Variants in RBM4 observed in about 807,000 individuals in gnomAD.
RBM4 encodes RNA binding motif protein 4, also known as RNA-binding protein 4.
RBM4 carries 7 observed loss-of-function variants against 29.5 expected under a neutral mutation model. That is an observed-to-expected ratio of 0.24 (90% CI 0.14 to 0.45). The LOEUF (loss-of-function observed/expected upper bound fraction) is 0.45. Among genes scored for constraint, RBM4 ranks in the 20% least tolerant of loss-of-function variants. The pLI is 1.00. For missense variants in RBM4, 387 were observed against 502.3 expected, an observed-to-expected ratio of 0.77 and a Z score of 2.19; for synonymous variants, 220 against 205.4, an observed-to-expected ratio of 1.07 and a Z score of -0.61.
At chr11:66,658,931 T>C (rs1939016351) in intron 2 of RBM4, among the ~76,000 whole-genome samples, 1 of 85,704 alleles carries the variant, frequency 1.2e-5, no homozygotes, top group Non-Finnish European at 2.8e-5. Flanking sequence ...AGCAAGAGTG[T>C]CTCTCAAAAA....
chr11:66,640,493 T>A (rs1938398060), intron 2 of RBM4: 3 of 428,066 alleles, frequency 7.0e-6, no homozygotes, highest in Non-Finnish European at 1.2e-5. Flanking sequence ...CAGCACAGGA[T>A]CAGAATTCTG....
intron 2 of RBM4, among the ~76,000 whole-genome samples, chr11:66,659,263 C>CTTTTTTTT (rs767959263): frequency 1.1e-3 from 73 of 67,336 alleles, no homozygotes; most frequent in Non-Finnish European, 1.4e-3. Context: ...CTTCTTGGTT[C>CTTTTTTTT]TTTTTTTTTT....
At chr11:66,666,225 G>T in exon 3 of RBM4, 1 of 884,790 alleles carries the variant, frequency 1.1e-6, no homozygotes, top group Non-Finnish European at 1.5e-6. Context: ...TATTGATGAT[G>T]GGAACTCCAG....
At chr11:66,668,337 C>A in exon 3 of RBM4, 1 of 345,526 alleles carries the variant, frequency 2.9e-6, no homozygotes, top group Non-Finnish European at 5.3e-6. Context: ...TTTCTGTAAC[C>A]CAAATATGCT....
At chr11:66,639,022 C>G (rs559251072) in intron 1 of RBM4, 1 of 152,310 alleles carries the variant, frequency 6.6e-6, no homozygotes, top group East Asian at 1.9e-4. Flanking sequence ...CCCCCTTTCC[C>G]TTATATCTGA....
Position 66,643,691 on chromosome 11 carries a change from C to G in RBM4, c.654C>G (p.Leu218=). ...SLYYNNAYGA[L]DAYYKRCRAA... ...ATTACAACAACGCGTACGGAGCGCT[C>G]GATGCCTACTACAAGCGCTGCCGTG... Residue 218 remains leucine, a synonymous_variant, in exon 3 of 4, where the codon CTC becomes CTG. Coordinates refer to ENST00000310092, the MANE Select transcript of RBM4 (RefSeq NM_002896.4). The surrounding 1 kb of genome is among the most constrained non-coding windows in gnomAD (Gnocchi z 6.1). 1 of 1,614,138 alleles carries G rather than the reference C, an allele frequency of 6.2e-7. No individual in the cohort carries two copies.
chr11:66,643,300 CTTTT>C lies in RBM4; in HGVS notation c.413-141_413-138del. 2 of 851,442 alleles carry C rather than the reference CTTTT, an allele frequency of 2.3e-6. No homozygotes were observed. The highest frequency in any genetic ancestry group is 2.4e-5 in the South Asian group (1 of 41,820). The allele number at this position is 851,442 out of a possible 1,614,324, so 52.7% of individuals were successfully genotyped here. ...ATTATACTGAATCTATATGTTGAGT[CTTTT>C]TTTTTTTTCCTTTTTATCTTTTCCT... On this transcript the variant is annotated intron_variant, in intron 2 of 3. Coordinates refer to ENST00000310092, the MANE Select transcript of RBM4 (RefSeq NM_002896.4). The surrounding 1 kb of genome is among the most constrained non-coding windows in gnomAD (Gnocchi z 6.1).
chr11:66,649,122 T>TGA (rs1416742624), downstream of RBM4, among the ~76,000 whole-genome samples: 7 of 152,092 alleles, frequency 4.6e-5, no homozygotes, highest in Non-Finnish European at 8.8e-5. Context: ...TTCTCCTGCC[T>TGA]CAGCCTCCTG....
intron 2 of RBM4, chr11:66,665,581 G>T: frequency 6.5e-7 from 1 of 1,535,900 alleles, no homozygotes; most frequent in Non-Finnish European, 8.7e-7. Context: ...TATCCTACCT[G>T]AAAGAGAGCA....
Position 66,644,052 on chromosome 11 carries a change from G to A in RBM4, c.1015G>A (p.Ala339Thr), listed in dbSNP as rs1360123423. The change falls in exon 3 of 4, where the codon GCC (alanine) becomes ACC (threonine). Residue 339 changes from alanine (A) to threonine (T), a missense_variant. Ala to Thr is a moderately conservative substitution (Grantham distance 58). This residue lies in a region of RBM4 where 281 missense variants were observed against 288.7 expected (regional missense o/e 0.97). Transcript: ENST00000310092. ...GAGTGAGTTGTCCCAAGCTTCAGCAGCCGCGCGGAATTCTCTGTACGACAT... is the reference window on the plus strand; with the variant it reads ...GAGTGAGTTGTCCCAAGCTTCAGCAACCGCGCGGAATTCTCTGTACGACAT... ...HESELSQASA[A>T]ARNSLYDMAR... is the part of the protein sequence containing the mutation. 1 of 1,614,044 alleles carries A rather than the reference G, an allele frequency of 6.2e-7. No homozygotes were observed. The highest frequency in any genetic ancestry group is 2.2e-5 in the East Asian group (1 of 44,878).
intron 2 of RBM4, among the ~76,000 whole-genome samples, chr11:66,652,991 A>T (rs183907062): frequency 6.6e-6 from 1 of 152,212 alleles, no homozygotes; most frequent in Admixed American, 6.5e-5. Flanking sequence ...AGTTGTCACA[A>T]CTAACAGGGA....
Position 66,663,911 on chromosome 11 carries a change from G to A in RBM4, c.413-1945G>A, listed in dbSNP as rs373144252. 3.3e-4 allele frequency among the ~76,000 whole-genome samples: 50 copies of A among 152,246 alleles called. 1 individual carries two copies. The highest frequency in any genetic ancestry group is 1.2e-3 in the African/African-American group (49 of 41,560). The stretch of plus-strand genomic sequence containing the variant: ...TGGTTTAAGAGCAGCTCTGGTTAGA[G>A]AAAAGTAGCCTCACCACCAGCTGTA... On this transcript the variant is annotated intron_variant, in intron 2 of 2. Transcript: ENST00000396053.
At chr11:66,657,776 C>A (rs1938980037) in intron 2 of RBM4, among the ~76,000 whole-genome samples, 1 of 150,404 alleles carries the variant, frequency 6.6e-6, no homozygotes, top group Non-Finnish European at 1.5e-5. Flanking sequence ...CTTCCTATGT[C>A]ACCCAGGCTG....
At chr11:66,641,163 T>TA (rs1649305339) in intron 2 of RBM4, 1 of 152,076 alleles carries the variant, frequency 6.6e-6, no homozygotes, top group South Asian at 2.1e-4. Flanking sequence ...ACAAAAATAA[T>TA]AAAAAATAAA....
At chr11:66,658,012 G>GT (rs2135087261) in intron 2 of RBM4, among the ~76,000 whole-genome samples, 1 of 152,064 alleles carries the variant, frequency 6.6e-6, no homozygotes, top group Non-Finnish European at 1.5e-5. Flanking sequence ...GAGCCACCTA[G>GT]TCTGACCCTT....
chr11:66,668,368 TCTCA>T (rs1388991434), exon 3 of RBM4: 8 of 453,896 alleles, frequency 1.8e-5, no homozygotes, highest in South Asian at 4.0e-5. Context: ...TAAAGAATGT[TCTCA>T]CTAACAAACT....
chr11:66,644,626 C>T (rs1445703060), intron 3 of RBM4: 11 of 932,212 alleles, frequency 1.2e-5, no homozygotes, highest in East Asian at 1.2e-4. Flanking sequence ...CTGGTCATCA[C>T]TGCTCAGGTC....
In RBM4 at chr11:66,638,705, CAGA is replaced by C. The variant is rs1379823938; in HGVS notation, c.-57_-55del. The C allele has an allele frequency of 6.5e-6, 1 of 154,056 alleles. No homozygotes were observed. The highest frequency in any genetic ancestry group is 1.5e-5 in the Non-Finnish European group (1 of 68,482). The allele number at this position is 154,056 out of a possible 1,614,324, so 9.5% of individuals were successfully genotyped here. On this transcript the variant is annotated 5_prime_UTR_variant, in exon 1 of 4. Coordinates refer to ENST00000310092, the MANE Select transcript of RBM4 (RefSeq NM_002896.4). Reference sequence around the variant, plus strand: ...GGCCGCCGCCATTTTAGCGTTTTGTCAGAAGCGTCCGCGCCGCGAGGAGGAGGC... The same window carrying C: ...GGCCGCCGCCATTTTAGCGTTTTGTCAGCGTCCGCGCCGCGAGGAGGAGGC...
chr11:66,642,981 T>C (rs1052520734), intron 2 of RBM4, among the ~76,000 whole-genome samples: 6 of 152,212 alleles, frequency 3.9e-5, no homozygotes, highest in Non-Finnish European at 5.9e-5. Context: ...GTGGTAATCA[T>C]TGGAGTCTTT....
Sources: gnomAD v4.1 joint callset for allele counts (sites outside exome capture counted in the v4.1 genomes callset) on GRCh38, gnomAD v4.1.1 for gene constraint, gnomAD v4.1.1 regional missense constraint, Gnocchi (gnomAD v3.1) non-coding constraint, MANE v1.5 for transcripts, NCBI Gene and HGNC (gene_info 2026-07-23, HGNC 2026-07-21) for gene names.